Variants in PTPRN2 observed in about 807,000 individuals in gnomAD.
PTPRN2 encodes protein tyrosine phosphatase receptor type N2.
PTPRN2 carries 74 observed loss-of-function variants against 118.8 expected under a neutral mutation model. The ratio of observed to expected loss-of-function variants is 0.62; its 90% CI spans 0.52 to 0.76. The LOEUF (loss-of-function observed/expected upper bound fraction) is 0.76. Among genes scored for constraint, PTPRN2 ranks in the 30% least tolerant of loss-of-function variants. The probability of loss-of-function intolerance (pLI) is 0.00; values close to 1 mark genes in which losing one functional copy is unlikely to be tolerated. For missense variants in PTPRN2, 1,481 were observed against 1,394.4 expected, an observed-to-expected ratio of 1.06 and a Z score of -0.99; for synonymous variants, 641 against 608.0, an observed-to-expected ratio of 1.05 and a Z score of -0.80.
At chr7:158,071,560 AGGTGCTCCTGGTGGAGGTGCTCCTG>A (rs1811689330) in intron 11 of PTPRN2, among the ~76,000 whole-genome samples, 1 of 12,838 alleles carries the variant, frequency 7.8e-5, no homozygotes, top group Non-Finnish European at 1.6e-4. Context: ...CTGGTGGTGG[AGGTGCTCCTGGTGGAGGTGCTCCTG>A]GTGGAGGTGC....
intron 11 of PTPRN2, among the ~76,000 whole-genome samples, chr7:158,059,025 C>G (rs533954853): frequency 1.7e-5 from 2 of 119,328 alleles, no homozygotes; most frequent in South Asian, 6.1e-4. Context: ...CATCTGCCCA[C>G]AGTGAGACAC....
chr7:157,792,418 A>G (rs4716497), intron 12 of PTPRN2, among the ~76,000 whole-genome samples: 43,873 of 152,184 alleles, frequency 0.29, 7,514 homozygotes, highest in African/African-American at 0.48. Context: ...ATTAGCCAGC[A>G]GTGGAGAGAA....
intron 2 of PTPRN2, among the ~76,000 whole-genome samples, chr7:158,418,010 G>A (rs538409714): frequency 2.7e-5 from 4 of 149,744 alleles, no homozygotes; most frequent in Non-Finnish European, 5.9e-5. Context: ...GTACTACATC[G>A]AGATGCTCTA....
intron 11 of PTPRN2, among the ~76,000 whole-genome samples, chr7:157,997,698 G>A (rs903063418): frequency 1.3e-5 from 2 of 150,510 alleles, no homozygotes; most frequent in African/African-American, 4.9e-5. Context: ...AGCCTGGGGG[G>A]AGGAGTGCAG....
chr7:158,155,550 A>ATCAACAGTATTT (rs1563529007), intron 6 of PTPRN2, among the ~76,000 whole-genome samples: 3 of 52,518 alleles, frequency 5.7e-5, no homozygotes, highest in Admixed American at 1.5e-4. Flanking sequence ...ATCACCATCA[A>ATCAACAGTATTT]CACCATCATC....
intron 11 of PTPRN2, among the ~76,000 whole-genome samples, chr7:157,963,897 T>G (rs565654202): frequency 4.6e-5 from 7 of 152,252 alleles, no homozygotes; most frequent in Non-Finnish European, 7.3e-5. Context: ...ACAGACGAGT[T>G]CTCCCTATGT....
chr7:157,919,245 C>A (rs753551615), intron 11 of PTPRN2, among the ~76,000 whole-genome samples: 1 of 152,106 alleles, frequency 6.6e-6, no homozygotes, highest in African/African-American at 2.4e-5. Context: ...ATTCTCTAAG[C>A]AAAATCTAAT....
chr7:158,393,628 A>G (rs188653207), intron 2 of PTPRN2, among the ~76,000 whole-genome samples: 6 of 152,288 alleles, frequency 3.9e-5, no homozygotes, highest in Admixed American at 6.5e-5. Context: ...GTCATCTTTC[A>G]GCGTCATTTT....
intron 4 of PTPRN2, among the ~76,000 whole-genome samples, chr7:158,203,262 G>GA (rs1563598298): frequency 7.8e-6 from 1 of 127,836 alleles, no homozygotes; most frequent in Admixed American, 7.9e-5. Context: ...GAAGAGGAAA[G>GA]AAAGAGGAAA....
In PTPRN2 at chr7:158,508,531, G is replaced by T. The variant is rs181315952; in HGVS notation, c.113-18746C>A. Among the ~76,000 whole-genome samples, 14 of 152,278 alleles carry T rather than the reference G, an allele frequency of 9.2e-5. No individual in the cohort carries two copies. The East Asian group carries it at 2.7e-3, about 30-fold the overall frequency. The stretch of plus-strand genomic sequence containing the variant: ...AACACAGGAGCTACCCAGCTCCAGG[G>T]GTGTGGTGAAGGCAGCCTGTGGGGA... On this transcript the variant is annotated intron_variant, in intron 1 of 22. Transcript: ENST00000389418.
intron 2 of PTPRN2, among the ~76,000 whole-genome samples, chr7:158,371,871 G>A (rs921608): frequency 0.79 from 120,608 of 152,048 alleles, 48,430 homozygotes; most frequent in East Asian, 0.99. Flanking sequence ...TACTTATTGA[G>A]AAAAGGAATA....
chr7:157,909,242 T>C (rs1394069549), intron 11 of PTPRN2, among the ~76,000 whole-genome samples: 1 of 152,222 alleles, frequency 6.6e-6, no homozygotes, highest in Non-Finnish European at 1.5e-5. Flanking sequence ...ACTATGAACA[T>C]ATATTTTTCA....
chr7:157,875,821 G>A (rs1795728104), intron 12 of PTPRN2, among the ~76,000 whole-genome samples: 1 of 151,028 alleles, frequency 6.6e-6, no homozygotes, highest in Admixed American at 6.6e-5. Flanking sequence ...AGGGTCAGGA[G>A]GGGCCGAGCC....
rs181285166 is a variant in PTPRN2, at chr7:158,027,018, C to T, written c.1723+54280G>A. On this transcript the variant is annotated intron_variant, in intron 11 of 22. Transcript: ENST00000389418. ...CTTTTGGCCCAGGAACTGCCATTCA[C>T]GGGCACAGCACACCTGCTCCTCCCA... Among the ~76,000 whole-genome samples, 35 of 152,300 alleles carry T rather than the reference C, an allele frequency of 2.3e-4. No homozygotes were observed. The East Asian group carries it at 4.1e-3, about 18-fold the overall frequency.
At chr7:157,925,827 G>A (rs1798949161) in intron 11 of PTPRN2, among the ~76,000 whole-genome samples, 1 of 151,946 alleles carries the variant, frequency 6.6e-6, no homozygotes, top group Non-Finnish European at 1.5e-5. Context: ...AACCAGTGAC[G>A]TGATGGTAAA....
intron 11 of PTPRN2, among the ~76,000 whole-genome samples, chr7:158,076,363 C>T (rs1812357931): frequency 6.6e-6 from 1 of 152,192 alleles, no homozygotes; most frequent in Admixed American, 6.5e-5. Flanking sequence ...CTGCTGGTGA[C>T]CAGCATGCAG....
intron 12 of PTPRN2, among the ~76,000 whole-genome samples, chr7:157,715,978 T>C (rs1392054925): frequency 2.0e-5 from 3 of 152,240 alleles, no homozygotes; most frequent in African/African-American, 7.2e-5. Context: ...CTGACTTAGC[T>C]GTTTTCCACC....
At chr7:158,165,232 G>T (rs1381284357) in intron 6 of PTPRN2, among the ~76,000 whole-genome samples, 1 of 152,222 alleles carries the variant, frequency 6.6e-6, no homozygotes, top group African/African-American at 2.4e-5. Context: ...ACCCACGCAA[G>T]TGCAGGAGGC....
rs1160428536 is a variant in PTPRN2 at position 157,801,022 on chromosome 7, C to CAT, written c.1788+97649_1788+97650dup. ...ATACACACATATACATATACACACA[C>CAT]ATATATATACACATATATATACACA... On this transcript the variant is annotated intron_variant, in intron 12 of 22. Transcript: ENST00000389418. This position sits in a 1 kb window ranked among gnomAD's most constrained non-coding sequence, Gnocchi z 4.2. Among the ~76,000 whole-genome samples, 5 of 148,798 alleles carry CAT rather than the reference C, an allele frequency of 3.4e-5. No individual in the cohort carries two copies. The highest frequency in any genetic ancestry group is 1.3e-4 in the African/African-American group (5 of 39,978).
Sources: allele counts gnomAD v4.1 joint callset (sites outside exome capture counted in the v4.1 genomes callset), GRCh38; gene constraint gnomAD v4.1.1; non-coding constraint Gnocchi (gnomAD v3.1); transcripts MANE v1.5; gene names NCBI Gene and HGNC (gene_info 2026-07-23, HGNC 2026-07-21).